ADGRG7: variants seen among roughly 807,000 people sequenced by gnomAD.
ADGRG7 encodes the protein adhesion G protein-coupled receptor G7.
A neutral mutation model predicts 88.6 loss-of-function variants in ADGRG7; 82 were observed. The observed-to-expected ratio is 0.93, with a 90% CI of 0.77 to 1.11. The LOEUF (loss-of-function observed/expected upper bound fraction) is 1.11. Among genes scored for constraint, ADGRG7 ranks in the 50% most tolerant of loss-of-function variants. The probability of loss-of-function intolerance (pLI) is 0.00; values close to 1 mark genes in which losing one functional copy is unlikely to be tolerated. For missense variants in ADGRG7, 945 were observed against 953.4 expected, an observed-to-expected ratio of 0.99 and a Z score of 0.12; for synonymous variants, 381 against 345.2, an observed-to-expected ratio of 1.10 and a Z score of -1.15.
At chr3:100,672,096 G>A (rs2094959520) in intron 15 of ADGRG7, among the ~76,000 whole-genome samples, 1 of 152,212 alleles carries the variant, frequency 6.6e-6, no homozygotes, top group African/African-American at 2.4e-5. Context: ...TGTGAAGAAT[G>A]TCAATGGTAG....
At position 100,666,636 on chromosome 3, in the gene ADGRG7, C is replaced by T. The variant is rs548462576; in HGVS notation, c.1980-2313C>T. On this transcript the variant is annotated intron_variant, in intron 14 of 15. Coordinates refer to ENST00000273352, the MANE Select transcript of ADGRG7 (RefSeq NM_032787.3). ...GACAGATGCCTTCCTCTTGTCTCAA[C>T]TGCAAGAGGCATGCCTTCCTCTTAT... Among the ~76,000 whole-genome samples, 27 of 152,290 alleles carry T rather than the reference C, an allele frequency of 1.8e-4. No individual in the cohort carries two copies. In the East Asian group the frequency reaches 3.9e-3, roughly 22 times the overall value.
At chr3:100,686,842 T>G (rs1337627562) in intron 15 of ADGRG7, among the ~76,000 whole-genome samples, 2 of 152,224 alleles carry the variant, frequency 1.3e-5, no homozygotes, top group Non-Finnish European at 2.9e-5. Context: ...TGGCTTAGGA[T>G]TGACTTGGCG....
rs774480075 is a variant in ADGRG7, at chr3:100,669,003, T to A, written c.2034T>A (p.Val678=). Residue 678 remains valine, a synonymous_variant, in exon 15 of 16, where the codon GTT becomes GTA. Transcript: ENST00000273352. ...TTGTTAGCACATTATCTGTTGCAGT[T>A]GTTTTTGGAATTACCTGGATTCTAG... is the stretch of plus-strand genomic sequence containing the variant. ...KKIVSTLSVA[V]VFGITWILAY... is the part of the protein sequence containing the mutation. The A allele has an allele frequency of 8.3e-5, 134 of 1,607,444 alleles. No homozygotes were observed. In the Admixed American group the frequency reaches 2.3e-3, roughly 27 times the overall value.
intron 6 of ADGRG7, among the ~76,000 whole-genome samples, chr3:100,642,021 G>A (rs578119307): frequency 3.3e-5 from 5 of 152,326 alleles, no homozygotes; most frequent in African/African-American, 1.2e-4. Flanking sequence ...TATGACAAGA[G>A]GAGGAAAGAA....
chr3:100,665,511 T>C, intron 14 of ADGRG7: 2 of 477,216 alleles, frequency 4.2e-6, no homozygotes, highest in Non-Finnish European at 8.6e-6. Context: ...TTGCCTTCAC[T>C]TGGGCACCTT....
In ADGRG7 at chr3:100,621,813, C is replaced by T. The variant is rs571377152; in HGVS notation, c.116-7785C>T. Among the ~76,000 whole-genome samples, 58 of 152,312 alleles carry T rather than the reference C, an allele frequency of 3.8e-4. No individual in the cohort carries two copies. The East Asian group carries it at 7.5e-3, about 20-fold the overall frequency. ...AAGAAGATGCCATCTAGGACTTTCACAGCTAGAGAGGAGAAGTCAACAAAC... is the reference window on the plus strand; with the variant it reads ...AAGAAGATGCCATCTAGGACTTTCATAGCTAGAGAGGAGAAGTCAACAAAC... On this transcript the variant is annotated intron_variant, in intron 1 of 15. Transcript: ENST00000273352.
intron 15 of ADGRG7, among the ~76,000 whole-genome samples, chr3:100,686,339 G>T (rs904704122): frequency 6.6e-6 from 1 of 152,150 alleles, no homozygotes; most frequent in Non-Finnish European, 1.5e-5. Context: ...TGTTCACTCT[G>T]ATGGTAGTTT....
intron 15 of ADGRG7, among the ~76,000 whole-genome samples, chr3:100,682,418 G>A (rs2094974767): frequency 6.6e-6 from 1 of 152,198 alleles, no homozygotes; most frequent in Admixed American, 6.5e-5. Context: ...AGCCAGCAAC[G>A]TGGCCACCGC....
chr3:100,628,912 A>T (rs944003554), intron 1 of ADGRG7, among the ~76,000 whole-genome samples: 3 of 152,022 alleles, frequency 2.0e-5, no homozygotes, highest in Non-Finnish European at 4.4e-5. Flanking sequence ...ATAATTCCTT[A>T]TGTTACTCCT....
intron 1 of ADGRG7, among the ~76,000 whole-genome samples, chr3:100,619,580 A>C (rs1707278243): frequency 6.6e-6 from 1 of 152,344 alleles, no homozygotes; most frequent in East Asian, 1.9e-4. Context: ...AAGGAAATAA[A>C]GACACAAAAA....
intron 15 of ADGRG7, among the ~76,000 whole-genome samples, chr3:100,691,641 A>G (rs1176117176): frequency 7.4e-6 from 1 of 134,294 alleles, no homozygotes; most frequent in Non-Finnish European, 1.7e-5. Context: ...ATCATATCTT[A>G]TGTTACTTTA....
At position 100,666,250 on chromosome 3, in the gene ADGRG7, G is replaced by C. The variant is rs144332364; in HGVS notation, c.1980-2699G>C. Among the ~76,000 whole-genome samples, 1,027 of 152,204 alleles carry C rather than the reference G, an allele frequency of 6.7e-3. 16 individuals are homozygous for C. The highest frequency in any genetic ancestry group is 0.024 in the African/African-American group (977 of 41,524). ...CAAAGTATAGAGAAAGAAATAGGGG[G>C]ACCCGGGGAACCAGCGTTCAGCATA... On this transcript the variant is annotated intron_variant, in intron 14 of 15. Coordinates refer to ENST00000273352, the MANE Select transcript of ADGRG7 (RefSeq NM_032787.3).
At position 100,643,298 on chromosome 3, in the gene ADGRG7, C is replaced by G. The variant is rs370228436; in HGVS notation, c.731C>G (p.Ser244Cys). 1.2e-6 allele frequency: 2 copies of G among 1,613,778 alleles called. No individual in the cohort carries two copies. Among genetic ancestry groups the G allele is most frequent in the Non-Finnish European group, 1.7e-6 (2 of 1,179,844 alleles). ...LIEQMETYSL[S>C]LGNQSVVEPN... ...GAGCAAATGGAGACTTATTCCTTGTCTTTGGGTAATCAATCAGTGGTGGAA... is the reference window on the plus strand; with the variant it reads ...GAGCAAATGGAGACTTATTCCTTGTGTTTGGGTAATCAATCAGTGGTGGAA... Residue 244 changes from serine (S) to cysteine (C), a missense_variant, in exon 7 of 16, where the codon TCT (serine) becomes TGT (cysteine). Ser to Cys is a moderately radical substitution (Grantham distance 112). Transcript: ENST00000273352.
intron 2 of ADGRG7, 98 bp downstream of exon 2, chr3:100,629,809 C>T (rs569654802): frequency 4.0e-6 from 3 of 754,692 alleles, no homozygotes; most frequent in Admixed American, 4.4e-5. Context: ...TTAATGGTTA[C>T]AGAAACAATG....
At chr3:100,668,784 G>C (rs963493943) in intron 14 of ADGRG7, among the ~76,000 whole-genome samples, 165 bp from the exon 15 acceptor site, 1 of 152,166 alleles carries the variant, frequency 6.6e-6, no homozygotes, top group African/African-American at 2.4e-5. Context: ...ATTTTCTCCA[G>C]AGTGATGTAA....
At chr3:100,621,433 TAA>T (rs931195677) in intron 1 of ADGRG7, among the ~76,000 whole-genome samples, 21 of 152,194 alleles carry the variant, frequency 1.4e-4, no homozygotes, top group African/African-American at 4.1e-4. Flanking sequence ...GGTAAGAAAA[TAA>T]AAGAGTCTTT....
At chr3:100,619,727 T>C (rs1403029631) in intron 1 of ADGRG7, among the ~76,000 whole-genome samples, 1 of 151,900 alleles carries the variant, frequency 6.6e-6, no homozygotes, top group Non-Finnish European at 1.5e-5. Context: ...AAAGGGGATA[T>C]CACCACCGAT....
intron 13 of ADGRG7, among the ~76,000 whole-genome samples, chr3:100,659,218 G>A (rs1453226330): frequency 1.3e-5 from 2 of 151,916 alleles, no homozygotes; most frequent in Non-Finnish European, 2.9e-5. Flanking sequence ...GGATCACGAG[G>A]TCAGGAGATC....
At chr3:100,691,294 C>G (rs1180246892) in intron 15 of ADGRG7, among the ~76,000 whole-genome samples, 1 of 152,200 alleles carries the variant, frequency 6.6e-6, no homozygotes, top group Admixed American at 6.5e-5. Flanking sequence ...AGGGAATTCC[C>G]TGACCCCTTG....
Sources: allele counts gnomAD v4.1 joint callset (sites outside exome capture counted in the v4.1 genomes callset), GRCh38; gene constraint gnomAD v4.1.1; transcripts MANE v1.5; gene names NCBI Gene and HGNC (gene_info 2026-07-23, HGNC 2026-07-21).